Variants in AFF3 observed in about 807,000 individuals in gnomAD.
AFF3 encodes ALF transcription elongation factor 3, also known as AF4/FMR2 family member 3.
A neutral mutation model predicts 129.7 loss-of-function variants in AFF3; 32 were observed. The ratio of observed to expected loss-of-function variants is 0.25; its 90% CI spans 0.19 to 0.33. The LOEUF (loss-of-function observed/expected upper bound fraction) is 0.33, where lower values mean the gene tolerates loss of function less well. Among genes scored for constraint, AFF3 ranks in the 10% least tolerant of loss-of-function variants. AFF3 has a pLI of 1.00. For missense variants in AFF3, 1,373 were observed against 1,592.0 expected, an observed-to-expected ratio of 0.86 and a Z score of 2.34; for synonymous variants, 644 against 635.4, an observed-to-expected ratio of 1.01 and a Z score of -0.20.
chr2:100,046,257 C>G (rs559394328), intron 4 of AFF3, among the ~76,000 whole-genome samples: 20 of 152,266 alleles, frequency 1.3e-4, no homozygotes, highest in Admixed American at 1.2e-3. Flanking sequence ...CACACACAAA[C>G]AGAATGAGGC....
At chr2:100,081,099 C>T (rs1179294544) in intron 4 of AFF3, among the ~76,000 whole-genome samples, 1 of 151,976 alleles carries the variant, frequency 6.6e-6, no homozygotes. Context: ...CAAGTGGAAT[C>T]AGGTCACTGT....
chr2:99,690,964 G>C (rs528091856), intron 11 of AFF3, among the ~76,000 whole-genome samples: 15 of 152,104 alleles, frequency 9.9e-5, no homozygotes, highest in Admixed American at 7.2e-4. Flanking sequence ...GTTTCTGTTT[G>C]AATGTCCAGG....
intron 11 of AFF3, among the ~76,000 whole-genome samples, chr2:99,703,718 CAG>C (rs902977210): frequency 4.6e-5 from 7 of 150,834 alleles, no homozygotes; most frequent in Non-Finnish European, 8.8e-5. Flanking sequence ...TGTTTAGAGA[CAG>C]AGTCTCACTC....
intron 8 of AFF3, among the ~76,000 whole-genome samples, chr2:99,782,085 T>G (rs1036060695): frequency 5.9e-5 from 9 of 151,846 alleles, no homozygotes; most frequent in African/African-American, 2.2e-4. Flanking sequence ...CCTGAAAGGG[T>G]TTTTTCTTTT....
At chr2:100,077,629 T>C (rs17023468) in intron 4 of AFF3, among the ~76,000 whole-genome samples, 27,418 of 152,170 alleles carry the variant, frequency 0.18, 2,541 homozygotes, top group East Asian at 0.28. Context: ...ACAGTATCTG[T>C]TACTTCCTCC....
At chr2:100,131,454 A>AT (rs1692426563) in intron 1 of AFF3, among the ~76,000 whole-genome samples, 1 of 152,026 alleles carries the variant, frequency 6.6e-6, no homozygotes, top group South Asian at 2.1e-4. Context: ...CTTTTTTTAA[A>AT]TTTTTTTATT....
At chr2:99,970,452 A>G (rs1022971873) in intron 7 of AFF3, among the ~76,000 whole-genome samples, 6 of 152,150 alleles carry the variant, frequency 3.9e-5, no homozygotes, top group Non-Finnish European at 7.3e-5. Context: ...TTTAGAATCA[A>G]TATCTCTATT....
chr2:99,848,809 C>T (rs1294473036), intron 7 of AFF3, among the ~76,000 whole-genome samples: 1 of 152,164 alleles, frequency 6.6e-6, no homozygotes, highest in Non-Finnish European at 1.5e-5. Context: ...AATCTCCTCT[C>T]CAACATAATC....
At chr2:99,936,021 G>GT (rs1280744616) in intron 7 of AFF3, among the ~76,000 whole-genome samples, 16 of 152,100 alleles carry the variant, frequency 1.1e-4, no homozygotes, top group Non-Finnish European at 1.6e-4. Flanking sequence ...GAGGTAGGAA[G>GT]TAAGAATATA....
intron 4 of AFF3, among the ~76,000 whole-genome samples, chr2:100,062,191 C>T (rs558537214): frequency 1.3e-5 from 2 of 152,212 alleles, no homozygotes; most frequent in African/African-American, 2.4e-5. Context: ...TCAGAAGCTG[C>T]GAGCAATGTG....
At chr2:99,976,101 T>C (rs1678865059) in intron 7 of AFF3, among the ~76,000 whole-genome samples, 1 of 152,064 alleles carries the variant, frequency 6.6e-6, no homozygotes, top group Admixed American at 6.5e-5. Flanking sequence ...CGCCAATTCT[T>C]ATTCAAAATT....
chr2:99,886,026 T>C (rs1456686402), intron 7 of AFF3, among the ~76,000 whole-genome samples: 1 of 152,194 alleles, frequency 6.6e-6, no homozygotes, highest in Non-Finnish European at 1.5e-5. Flanking sequence ...TTGATTCAGT[T>C]TACATTTAAT....
chr2:99,894,561 T>C (rs1693799282), intron 7 of AFF3, among the ~76,000 whole-genome samples: 1 of 151,278 alleles, frequency 6.6e-6, no homozygotes, highest in African/African-American at 2.4e-5. Flanking sequence ...CTCTGCCTCC[T>C]GGGTTCACGC....
intron 4 of AFF3, among the ~76,000 whole-genome samples, chr2:100,060,278 T>C (rs925206352): frequency 6.6e-6 from 1 of 152,232 alleles, no homozygotes; most frequent in Non-Finnish European, 1.5e-5. Flanking sequence ...TTACATGTGT[T>C]ACCTCATTAG....
intron 11 of AFF3, among the ~76,000 whole-genome samples, chr2:99,691,831 C>A (rs567332527): frequency 6.6e-6 from 1 of 152,048 alleles, no homozygotes; most frequent in Non-Finnish European, 1.5e-5. Flanking sequence ...AGGAGGAAGA[C>A]GAACTCCAGG....
chr2:100,035,601 A>G (rs1684835173), intron 4 of AFF3, among the ~76,000 whole-genome samples: 1 of 152,180 alleles, frequency 6.6e-6, no homozygotes, highest in Non-Finnish European at 1.5e-5. Flanking sequence ...TACGGGCTTT[A>G]TTTCCAGCTC....
chr2:99,733,944 T>C (rs1054770746), intron 10 of AFF3, among the ~76,000 whole-genome samples: 9 of 152,314 alleles, frequency 5.9e-5, no homozygotes, highest in African/African-American at 2.2e-4. Flanking sequence ...GTATCATCAG[T>C]TTGTCAATTT....
intron 8 of AFF3, among the ~76,000 whole-genome samples, chr2:99,760,304 G>A (rs1308210294): frequency 6.6e-6 from 1 of 152,136 alleles, no homozygotes; most frequent in Admixed American, 6.5e-5. Flanking sequence ...AAAACAGAAA[G>A]ATATTTAAAG....
chr2:99,952,725 G>A (rs903179857), intron 7 of AFF3, among the ~76,000 whole-genome samples: 1 of 152,194 alleles, frequency 6.6e-6, no homozygotes, highest in Non-Finnish European at 1.5e-5. Flanking sequence ...CATGTCTCAT[G>A]TGTCATGTTT....
Sources: gnomAD v4.1 joint callset for allele counts (sites outside exome capture counted in the v4.1 genomes callset) on GRCh38, gnomAD v4.1.1 for gene constraint, MANE v1.5 for transcripts, NCBI Gene and HGNC (gene_info 2026-07-23, HGNC 2026-07-21) for gene names.